Variants in ZCCHC7 observed in about 807,000 individuals in gnomAD.
ZCCHC7 encodes the protein zinc finger CCHC-type containing 7, also known as zinc finger CCHC domain-containing protein 7.
Under a neutral mutation model 52.0 loss-of-function variants are expected in ZCCHC7, and 35 were observed. That is an observed-to-expected ratio of 0.67 (90% CI 0.51 to 0.89). The LOEUF (loss-of-function observed/expected upper bound fraction) is 0.89, where lower values mean the gene tolerates loss of function less well. Among genes scored for constraint, ZCCHC7 ranks in the 40% least tolerant of loss-of-function variants. ZCCHC7 has a pLI of 0.00. For missense variants in ZCCHC7, 574 were observed against 649.1 expected, an observed-to-expected ratio of 0.88 and a Z score of 1.26; for synonymous variants, 217 against 221.5, an observed-to-expected ratio of 0.98 and a Z score of 0.18.
chr9:37,312,768 T>A (rs1284531934), intron 5 of ZCCHC7, among the ~76,000 whole-genome samples: 9 of 152,166 alleles, frequency 5.9e-5, no homozygotes, highest in Admixed American at 5.9e-4. Context: ...ACAAAAAACA[T>A]TTTTTTAAGA....
At chr9:37,134,988 A>C (rs1222462944) in intron 2 of ZCCHC7, among the ~76,000 whole-genome samples, 1 of 152,016 alleles carries the variant, frequency 6.6e-6, no homozygotes, top group East Asian at 1.9e-4. Flanking sequence ...CGGCCTCCCA[A>C]AGTGCTAGGA....
At chr9:37,241,583 C>G (rs1053574457) in intron 2 of ZCCHC7, among the ~76,000 whole-genome samples, 5 of 151,822 alleles carry the variant, frequency 3.3e-5, no homozygotes, top group African/African-American at 1.2e-4. Flanking sequence ...CTCATTTCAT[C>G]TGGAATAATC....
chr9:37,244,026 A>G (rs1588540483), intron 2 of ZCCHC7, among the ~76,000 whole-genome samples: 1 of 151,850 alleles, frequency 6.6e-6, no homozygotes. Context: ...TCATTAAACA[A>G]TAAGGATTTA....
intron 7 of ZCCHC7, among the ~76,000 whole-genome samples, chr9:37,350,294 A>G (rs1821298178): frequency 6.6e-6 from 1 of 151,248 alleles, no homozygotes; most frequent in Non-Finnish European, 1.5e-5. Flanking sequence ...ATGCCCAGCT[A>G]ATTTTTTGTA....
intron 2 of ZCCHC7, among the ~76,000 whole-genome samples, chr9:37,210,739 T>C (rs1824174342): frequency 6.6e-6 from 1 of 152,238 alleles, no homozygotes; most frequent in African/African-American, 2.4e-5. Flanking sequence ...AACAGGTTTT[T>C]TTTGAAGCCT....
chr9:37,123,938 T>TG (rs1334255428), intron 1 of ZCCHC7, among the ~76,000 whole-genome samples: 2 of 152,208 alleles, frequency 1.3e-5, no homozygotes, highest in Admixed American at 1.3e-4. Flanking sequence ...CACAGGTATA[T>TG]GATACCCTTT....
intron 5 of ZCCHC7, among the ~76,000 whole-genome samples, chr9:37,306,051 G>A (rs1829286759): frequency 6.8e-6 from 1 of 147,468 alleles, no homozygotes; most frequent in Non-Finnish European, 1.5e-5. Context: ...TAAAATTTGT[G>A]TATTCATATT....
At chr9:37,236,487 G>A (rs1296508955) in intron 2 of ZCCHC7, among the ~76,000 whole-genome samples, 4 of 151,532 alleles carry the variant, frequency 2.6e-5, no homozygotes, top group Admixed American at 6.6e-5. Context: ...CGCCTCCTGC[G>A]TTCACGCCAT....
intron 2 of ZCCHC7, among the ~76,000 whole-genome samples, chr9:37,276,470 A>G (rs1008223115): frequency 1.3e-5 from 2 of 152,208 alleles, no homozygotes; most frequent in South Asian, 2.1e-4. Context: ...CAGTTTACTT[A>G]TCTGTAAATA....
intron 2 of ZCCHC7, among the ~76,000 whole-genome samples, chr9:37,272,313 G>A (rs1217716412): frequency 6.6e-6 from 1 of 151,676 alleles, no homozygotes; most frequent in African/African-American, 2.4e-5. Context: ...TCTCATTCAC[G>A]TTAACTTTCT....
intron 5 of ZCCHC7, among the ~76,000 whole-genome samples, chr9:37,313,296 AAAGTT>A (rs201170961): frequency 0.05 from 7,685 of 152,196 alleles, 628 homozygotes; most frequent in African/African-American, 0.17. Context: ...CTACTTCAAG[AAAGTT>A]AAGTTGATTT....
chr9:37,282,400 C>T (rs1327708001), intron 2 of ZCCHC7, among the ~76,000 whole-genome samples: 1 of 151,930 alleles, frequency 6.6e-6, no homozygotes, highest in Non-Finnish European at 1.5e-5. Context: ...TCAAGGAGAT[C>T]AAGACCATCC....
intron 5 of ZCCHC7, 132 bp downstream of exon 5, chr9:37,305,846 T>C: frequency 1.2e-6 from 1 of 838,940 alleles, no homozygotes; most frequent in Non-Finnish European, 1.8e-6. Flanking sequence ...TATATATATA[T>C]ATATAGTCAT....
chr9:37,120,607 T>A lies in ZCCHC7; in HGVS notation c.-38T>A. 1 of 398,544 alleles carries A rather than the reference T, an allele frequency of 2.5e-6. No individual in the cohort carries two copies. Among genetic ancestry groups the A allele is most frequent in the East Asian group, 3.6e-5 (1 of 28,040 alleles). The allele number at this position is 398,544 out of a possible 1,614,324, so 24.7% of individuals were successfully genotyped here. On this transcript the variant is annotated 5_prime_UTR_variant, in exon 1 of 9. Coordinates refer to ENST00000336755, the MANE Select transcript of ZCCHC7 (RefSeq NM_032226.3). ...GTTTTGGTTCCCGGTTGGTGCTTCCTGTTCGCAGCTGCGGCAGTGAGTATG... is the reference window on the plus strand; with the variant it reads ...GTTTTGGTTCCCGGTTGGTGCTTCCAGTTCGCAGCTGCGGCAGTGAGTATG...
At chr9:37,315,516 A>G (rs914171911) in intron 5 of ZCCHC7, among the ~76,000 whole-genome samples, 8 of 152,068 alleles carry the variant, frequency 5.3e-5, no homozygotes, top group African/African-American at 1.9e-4. Flanking sequence ...TTATGAGCTA[A>G]TCAGCCTTTT....
At chr9:37,226,553 A>C (rs1307641537) in intron 2 of ZCCHC7, among the ~76,000 whole-genome samples, 2 of 152,232 alleles carry the variant, frequency 1.3e-5, no homozygotes, top group Non-Finnish European at 2.9e-5. Flanking sequence ...AATCTAGTAG[A>C]TTTACATAAA....
At chr9:37,190,196 T>C (rs1418546373) in intron 2 of ZCCHC7, among the ~76,000 whole-genome samples, 1 of 152,190 alleles carries the variant, frequency 6.6e-6, no homozygotes, top group Non-Finnish European at 1.5e-5. Flanking sequence ...CTCAGAGTTT[T>C]AGACTTCTGC....
intron 2 of ZCCHC7, among the ~76,000 whole-genome samples, chr9:37,248,956 A>G (rs572133699): frequency 3.3e-4 from 50 of 152,364 alleles, no homozygotes; most frequent in African/African-American, 1.1e-3. Context: ...CATAGTCTCA[A>G]TGCAGATGTC....
chr9:37,193,145 TTG>T (rs1412734078), intron 2 of ZCCHC7, among the ~76,000 whole-genome samples: 6 of 152,238 alleles, frequency 3.9e-5, no homozygotes, highest in Non-Finnish European at 7.3e-5. Context: ...GAAAGTGAAA[TTG>T]TTTTTCAATT....
Sources: gnomAD v4.1 joint callset for allele counts (sites outside exome capture counted in the v4.1 genomes callset) on GRCh38, gnomAD v4.1.1 for gene constraint, MANE v1.5 for transcripts, NCBI Gene and HGNC (gene_info 2026-07-23, HGNC 2026-07-21) for gene names.